The following DCC variants were observed in gnomAD, a reference collection of about 807,000 sequenced individuals.
The protein encoded by DCC is netrin receptor DCC.
Under a neutral mutation model 172.5 loss-of-function variants are expected in DCC, and 58 were observed. The ratio of observed to expected loss-of-function variants is 0.34; its 90% confidence interval spans 0.27 to 0.42. DCC has a LOEUF of 0.42. Ranked by LOEUF, DCC falls within the 10% of genes least tolerant of loss-of-function variation. The pLI is 1.00. For synonymous variants in DCC, 709 were observed against 644.5 expected, an observed-to-expected ratio of 1.10 and a Z score of -1.52; for missense variants, 1,740 against 1,791.0, an observed-to-expected ratio of 0.97 and a Z score of 0.51.
chr18:52,586,082 C>CAAAA (rs5824949), intron 1 of DCC, among the ~76,000 whole-genome samples: 18 of 73,236 alleles, frequency 2.5e-4, no homozygotes, highest in African/African-American at 3.9e-4. Context: ...GACTCCGTCT[C>CAAAA]AAAAAAAAAA....
intron 12 of DCC, among the ~76,000 whole-genome samples, chr18:53,268,294 A>G (rs1259717394): frequency 1.3e-5 from 2 of 152,218 alleles, no homozygotes; most frequent in Admixed American, 1.3e-4. Flanking sequence ...TCTGATTTAC[A>G]CATACTTATG....
intron 5 of DCC, among the ~76,000 whole-genome samples, chr18:53,055,668 C>A (rs564715847): frequency 1.3e-5 from 2 of 152,176 alleles, no homozygotes; most frequent in South Asian, 2.1e-4. Flanking sequence ...TATGGAGAAT[C>A]AAATGCAAAT....
At chr18:52,715,847 A>G (rs2036371487) in intron 1 of DCC, among the ~76,000 whole-genome samples, 1 of 151,816 alleles carries the variant, frequency 6.6e-6, no homozygotes, top group Non-Finnish European at 1.5e-5. Flanking sequence ...TCTTTTCTGG[A>G]TTAGTTCATA....
At chr18:52,344,151 A>T (rs1983779548) in intron 1 of DCC, among the ~76,000 whole-genome samples, 1 of 152,314 alleles carries the variant, frequency 6.6e-6, no homozygotes, top group African/African-American at 2.4e-5. Flanking sequence ...GTATGACTTA[A>T]ATTTATTCTC....
At chr18:52,800,254 T>G (rs1023754903) in intron 2 of DCC, among the ~76,000 whole-genome samples, 2 of 152,178 alleles carry the variant, frequency 1.3e-5, no homozygotes, top group African/African-American at 2.4e-5. Context: ...TGAAAATGCC[T>G]GCAGAATCAA....
chr18:53,456,347 C>G (rs1462539250), intron 23 of DCC, among the ~76,000 whole-genome samples: 3 of 152,170 alleles, frequency 2.0e-5, no homozygotes, highest in Non-Finnish European at 4.4e-5. Flanking sequence ...AAACAGAGAG[C>G]CTGGGAGGGT....
At chr18:53,398,302 A>G (rs1568106639) in intron 18 of DCC, among the ~76,000 whole-genome samples, 1 of 152,268 alleles carries the variant, frequency 6.6e-6, no homozygotes, top group East Asian at 1.9e-4. Context: ...AACTCCAACT[A>G]TTATTTTAAC....
chr18:53,106,510 A>G (rs1193073607), intron 7 of DCC, among the ~76,000 whole-genome samples: 5 of 151,920 alleles, frequency 3.3e-5, no homozygotes, highest in African/African-American at 1.2e-4. Context: ...GCTTGGCCAC[A>G]TGGTACTCAA....
intron 5 of DCC, among the ~76,000 whole-genome samples, chr18:53,053,710 A>G (rs1448583147): frequency 6.6e-6 from 1 of 152,170 alleles, no homozygotes; most frequent in Non-Finnish European, 1.5e-5. Context: ...CTGAGGAAAA[A>G]TAATAGCTCT....
intron 5 of DCC, among the ~76,000 whole-genome samples, chr18:52,942,364 C>A (rs932010660): frequency 6.6e-6 from 1 of 151,968 alleles, no homozygotes; most frequent in Non-Finnish European, 1.5e-5. Context: ...ATTTTATTTC[C>A]AATGCCTTTT....
intron 1 of DCC, among the ~76,000 whole-genome samples, chr18:52,703,935 T>A (rs2036166487): frequency 6.6e-6 from 1 of 152,112 alleles, no homozygotes; most frequent in Admixed American, 6.5e-5. Context: ...TGATTTTGTC[T>A]CCATTTCCCA....
chr18:52,809,409 ACT>A (rs1491130444), intron 2 of DCC: 1 of 157,032 alleles, frequency 6.4e-6, no homozygotes, highest in Non-Finnish European at 1.3e-5. Context: ...AGGAATGGAA[ACT>A]TGGGCCATGT....
chr18:53,007,420 T>C (rs1254650321), intron 5 of DCC, among the ~76,000 whole-genome samples: 1 of 152,074 alleles, frequency 6.6e-6, no homozygotes, highest in Non-Finnish European at 1.5e-5. Context: ...ATAGACAACT[T>C]ATAGAAGAAA....
At chr18:52,453,280 T>C (rs1445077377) in intron 1 of DCC, among the ~76,000 whole-genome samples, 4 of 152,236 alleles carry the variant, frequency 2.6e-5, no homozygotes, top group African/African-American at 9.6e-5. Context: ...GAACACATTC[T>C]TTAAATGTTA....
At chr18:53,351,832 T>A (rs2057816982) in intron 15 of DCC, among the ~76,000 whole-genome samples, 1 of 151,914 alleles carries the variant, frequency 6.6e-6, no homozygotes, top group African/African-American at 2.4e-5. Flanking sequence ...TCTAAGCACT[T>A]CAGAAATAAC....
intron 17 of DCC, among the ~76,000 whole-genome samples, chr18:53,394,567 G>A (rs761141650): frequency 3.3e-5 from 5 of 151,734 alleles, no homozygotes; most frequent in African/African-American, 9.7e-5. Flanking sequence ...TATATCCATC[G>A]AGTGTTGACT....
chr18:53,130,513 G>A (rs115417993), intron 7 of DCC, among the ~76,000 whole-genome samples: 251 of 152,150 alleles, frequency 1.6e-3, no homozygotes, highest in African/African-American at 5.8e-3. Context: ...GGATTTTAAG[G>A]TTAAGTTCTC....
intron 12 of DCC, among the ~76,000 whole-genome samples, chr18:53,244,355 T>C (rs757937460): frequency 3.3e-5 from 5 of 152,140 alleles, no homozygotes; most frequent in African/African-American, 4.8e-5. Flanking sequence ...ATCCTCAGGA[T>C]AATTTTATAG....
At chr18:53,248,650 C>A (rs771943872) in intron 12 of DCC, among the ~76,000 whole-genome samples, 1 of 151,998 alleles carries the variant, frequency 6.6e-6, no homozygotes, top group African/African-American at 2.4e-5. Context: ...AATTCCAGTT[C>A]ATTCAGCCAA....
Sources: allele counts gnomAD v4.1 joint callset (sites outside exome capture counted in the v4.1 genomes callset), GRCh38; gene constraint gnomAD v4.1.1; transcripts MANE v1.5; gene names NCBI Gene and HGNC (gene_info 2026-07-23, HGNC 2026-07-21).